The following TTLL4 variants were observed in gnomAD, a reference collection of about 807,000 sequenced individuals.
TTLL4 encodes tubulin monoglutamylase TTLL4.
A neutral mutation model predicts 122.7 loss-of-function variants in TTLL4; 85 were observed. The ratio of observed to expected loss-of-function variants is 0.69; its 90% CI spans 0.58 to 0.83. The LOEUF (loss-of-function observed/expected upper bound fraction) is 0.83. Ranked by LOEUF, TTLL4 falls within the 40% of genes least tolerant of loss-of-function variation. TTLL4 has a pLI of 0.00. For missense variants in TTLL4, 1,363 were observed against 1,488.6 expected (o/e 0.92, Z 1.39); for synonymous variants, 553 against 563.0 (o/e 0.98, Z 0.25).
At chr2:218,729,758 A>ACC (rs1553608227) in intron 2 of TTLL4, among the ~76,000 whole-genome samples, 2 of 108,438 alleles carry the variant, frequency 1.8e-5, no homozygotes, top group South Asian at 5.0e-4. Context: ...TAAAAAAAAA[A>ACC]AAAACAAAAA....
Position 218,750,155 on chromosome 2 carries a change from C to G in TTLL4, c.2873+9C>G, listed in dbSNP as rs368287276. On this transcript the variant is annotated intron_variant, in intron 15 of 19. Coordinates refer to ENST00000392102, the MANE Select transcript of TTLL4 (RefSeq NM_014640.5). ...AGCAGCTCCACCACCAGGTGAGGCC[C>G]CTATTTCTTCACAGCTCTGCTGGCA... is the stretch of plus-strand genomic sequence containing the variant. 1.3e-5 allele frequency: 21 copies of G among 1,613,090 alleles called. No individual in the cohort carries two copies. Among genetic ancestry groups the G allele is most frequent in the East Asian group, 2.2e-5 (1 of 44,868 alleles).
intron 1 of TTLL4, among the ~76,000 whole-genome samples, chr2:218,713,397 C>T (rs1054534317): frequency 2.0e-5 from 3 of 152,116 alleles, no homozygotes; most frequent in African/African-American, 7.2e-5. Flanking sequence ...CCTGTCTCAC[C>T]CTCCTGAGTA....
At chr2:218,714,912 A>C (rs1575155085) in intron 1 of TTLL4, among the ~76,000 whole-genome samples, 2 of 152,078 alleles carry the variant, frequency 1.3e-5, no homozygotes, top group South Asian at 4.1e-4. Flanking sequence ...CCTATATTTT[A>C]ATATTATATT....
chr2:218,744,985 A>T, intron 5 of TTLL4, 124 bp from the exon 6 acceptor site: 1 of 1,303,152 alleles, frequency 7.7e-7, no homozygotes, highest in Middle Eastern at 1.9e-4. Flanking sequence ...ATTATTGAGC[A>T]CCTGGCTTTT....
Position 218,747,383 on chromosome 2 carries a change from A to G in TTLL4, c.2249+11A>G. 6.2e-7 allele frequency: 1 copy of G among 1,613,878 alleles called. No individual in the cohort carries two copies. Among genetic ancestry groups the G allele is most frequent in the Non-Finnish European group, 8.5e-7 (1 of 1,179,966 alleles). ...CCTCCTGGTACAGAGGTGAGCCTGTAGCACATATCCCTTACCCCATCCTCC... is the reference window on the plus strand; with the variant it reads ...CCTCCTGGTACAGAGGTGAGCCTGTGGCACATATCCCTTACCCCATCCTCC... On this transcript the variant is annotated intron_variant, in intron 10 of 19. Transcript: ENST00000392102. The surrounding 1 kb of genome is among the most constrained non-coding windows in gnomAD (Gnocchi z 4.7).
At chr2:218,740,804 T>G (rs1196364093) in intron 5 of TTLL4, among the ~76,000 whole-genome samples, 1 of 152,164 alleles carries the variant, frequency 6.6e-6, no homozygotes, top group Non-Finnish European at 1.5e-5. Context: ...CCAGGCGCAG[T>G]GGCTCACACC....
rs776087835 is a variant in TTLL4 at position 218,747,244 on chromosome 2, C to T, written c.2167-46C>T. 1.9e-6 allele frequency: 3 copies of T among 1,614,064 alleles called. No individual in the cohort carries two copies. Among genetic ancestry groups the T allele is most frequent in the South Asian group, 1.1e-5 (1 of 91,076 alleles). ...GACTATGGTCTGTGAGTGGGAACAACAGAGTATTGGACCTGGAGCAAATCT... is the reference window on the plus strand; with the variant it reads ...GACTATGGTCTGTGAGTGGGAACAATAGAGTATTGGACCTGGAGCAAATCT... On this transcript the variant is annotated intron_variant, in intron 9 of 19. Coordinates refer to ENST00000392102, the MANE Select transcript of TTLL4 (RefSeq NM_014640.5). The surrounding 1 kb of genome is among the most constrained non-coding windows in gnomAD (Gnocchi z 4.7).
chr2:218,743,634 T>A (rs960352410), intron 5 of TTLL4, among the ~76,000 whole-genome samples: 2 of 152,216 alleles, frequency 1.3e-5, no homozygotes, highest in Non-Finnish European at 2.9e-5. Flanking sequence ...AAAATTGTTT[T>A]CCAGAGTGGC....
chr2:218,738,458 G>C lies in TTLL4; in HGVS notation c.782G>C (p.Cys261Ser). The change falls in exon 3 of 20, where the codon TGT becomes TCT. Residue 261 changes from cysteine to serine, a missense_variant. Transcript: ENST00000392102. ...SWHHSGGTGD[C>S]APQPVDHKVP... is the part of the protein sequence containing the mutation. ...CATCATTCAGGGGGTACTGGAGACT[G>C]TGCACCGCAGCCTGTTGACCATAAG... is the stretch of plus-strand genomic sequence containing the variant. 6.2e-7 allele frequency: 1 copy of C among 1,614,206 alleles called. No homozygotes were observed. The highest frequency in any genetic ancestry group is 1.1e-5 in the South Asian group (1 of 91,088).
rs1941682256 is a variant in TTLL4 at position 218,710,894 on chromosome 2, A to G, written c.-321A>G. The stretch of plus-strand genomic sequence containing the variant: ...GCGCGCGCGGTGTGTGGCAGGCGGC[A>G]GCGGCGCTGGCGGCCGAGTGCGCTT... On this transcript the variant is annotated 5_prime_UTR_variant, in exon 1 of 20. Transcript: ENST00000392102. 6.6e-6 allele frequency: 1 copy of G among 152,412 alleles called. No homozygotes were observed. The highest frequency in any genetic ancestry group is 2.4e-5 in the African/African-American group (1 of 41,422). The allele number at this position is 152,412 out of a possible 1,614,324, so 9.4% of individuals were successfully genotyped here.
chr2:218,752,017 C>T (rs1943034576), intron 16 of TTLL4, among the ~76,000 whole-genome samples: 1 of 149,392 alleles, frequency 6.7e-6, no homozygotes, highest in African/African-American at 2.5e-5. Flanking sequence ...AAGTGATTCT[C>T]CTGCCTCAGC....
chr2:218,755,964 T>C (rs1011010486), downstream of TTLL4, among the ~76,000 whole-genome samples: 9 of 152,294 alleles, frequency 5.9e-5, no homozygotes, highest in African/African-American at 9.6e-5. Context: ...CTGGGCATCA[T>C]TGGCTGCTCA....
chr2:218,737,787 G>C lies in TTLL4; in HGVS notation c.111G>C (p.Ser37=), dbSNP rs79987978. 1.2e-6 allele frequency: 2 copies of C among 1,613,946 alleles called. No homozygotes were observed. Among genetic ancestry groups the C allele is most frequent in the Non-Finnish European group, 8.5e-7 (1 of 1,179,890 alleles). ...TVPATPPEKP[S]EGRVWPQAHQ... is the part of the protein sequence containing the mutation. ...CTGCCACGCCACCTGAGAAACCCTC[G>C]GAGGGCAGAGTCTGGCCTCAGGCCC... The change falls in exon 3 of 20, where the codon TCG becomes TCC. Residue 37 remains serine, a synonymous_variant. Coordinates refer to ENST00000392102, the MANE Select transcript of TTLL4 (RefSeq NM_014640.5).
At position 218,738,507 on chromosome 2, in the gene TTLL4, C is replaced by T; in HGVS notation, c.831C>T (p.Val277=). 1 of 1,614,178 alleles carries T rather than the reference C, an allele frequency of 6.2e-7. No individual in the cohort carries two copies. Among genetic ancestry groups the T allele is most frequent in the African/African-American group, 1.3e-5 (1 of 75,028 alleles). ...AGGTGCCCAAAAGCATTGGCACTGT[C>T]CCAGCTGATGCCAGTGCCCATATCG... The part of the protein sequence containing the change: ...DHKVPKSIGT[V]PADASAHIAL... Residue 277 remains valine (V), a synonymous_variant, in exon 3 of 20, where the codon GTC becomes GTT. Transcript: ENST00000392102.
At chr2:218,730,343 A>G (rs1436366804) in intron 2 of TTLL4, among the ~76,000 whole-genome samples, 102 of 124,858 alleles carry the variant, frequency 8.2e-4, no homozygotes, top group African/African-American at 2.9e-3. Flanking sequence ...AAAAAAAAAA[A>G]AAAAAAGAAA....
intron 2 of TTLL4, among the ~76,000 whole-genome samples, chr2:218,731,632 G>A (rs1365907546): frequency 6.6e-6 from 1 of 152,172 alleles, no homozygotes; most frequent in Non-Finnish European, 1.5e-5. Context: ...AACGTTTACT[G>A]GGAGCCACTG....
chr2:218,751,617 G>T lies in TTLL4; in HGVS notation c.2874-87G>T, dbSNP rs974298382. 22 of 1,508,288 alleles carry T rather than the reference G, an allele frequency of 1.5e-5. No homozygotes were observed. In the African/African-American group the frequency reaches 2.8e-4, roughly 19 times the overall value. 93.4% of individuals were successfully genotyped at this position (1,508,288 alleles called of 1,614,324 possible). On this transcript the variant is annotated intron_variant, in intron 15 of 19. Coordinates refer to ENST00000392102, the MANE Select transcript of TTLL4 (RefSeq NM_014640.5). ...ATCTTTGTCTTCTCTCAAGAAGGGT[G>T]TCTGCTGGGCTGGACCTCCTCCATA...
At chr2:218,719,948 A>G (rs955809111) in intron 1 of TTLL4, among the ~76,000 whole-genome samples, 2 of 152,262 alleles carry the variant, frequency 1.3e-5, no homozygotes, top group East Asian at 3.8e-4. Flanking sequence ...AAATAATAAA[A>G]GGAGGAAGAA....
Position 218,755,164 on chromosome 2 carries a change from T to TA in TTLL4, c.*776dup, listed in dbSNP as rs1943127541. 6.6e-6 allele frequency: 1 copy of TA among 152,308 alleles called. No individual in the cohort carries two copies. Among genetic ancestry groups the TA allele is most frequent in the Non-Finnish European group, 1.5e-5 (1 of 68,116 alleles). The allele number at this position is 152,308 out of a possible 1,614,324, so 9.4% of individuals were successfully genotyped here. On this transcript the variant is annotated 3_prime_UTR_variant, in exon 20 of 20. Coordinates refer to ENST00000392102, the MANE Select transcript of TTLL4 (RefSeq NM_014640.5). Reference sequence around the variant, plus strand: ...GAGCCCAGATAATCCCAGTAGCTGTTACCTGTCTCCATGTATCAAAGGACA... The same window carrying TA: ...GAGCCCAGATAATCCCAGTAGCTGTTAACCTGTCTCCATGTATCAAAGGACA...
Sources: allele counts gnomAD v4.1 joint callset (sites outside exome capture counted in the v4.1 genomes callset), GRCh38; gene constraint gnomAD v4.1.1; non-coding constraint Gnocchi (gnomAD v3.1); transcripts MANE v1.5; gene names NCBI Gene and HGNC (gene_info 2026-07-23, HGNC 2026-07-21).